CELSR3: variants seen among roughly 807,000 people sequenced by gnomAD.
CELSR3 encodes the protein cadherin EGF LAG seven-pass G-type receptor 3.
In CELSR3, 73 loss-of-function variants were observed where a neutral mutation model predicts 270.0. The observed-to-expected ratio is 0.27, with a 90% confidence interval of 0.22 to 0.33. The LOEUF (loss-of-function observed/expected upper bound fraction) is 0.33. Among genes scored for constraint, CELSR3 ranks in the 10% least tolerant of loss-of-function variants. CELSR3 has a pLI of 1.00. For missense variants in CELSR3, 3,614 were observed against 4,533.8 expected, an observed-to-expected ratio of 0.80 and a Z score of 5.83; for synonymous variants, 1,780 against 1,905.4, an observed-to-expected ratio of 0.93 and a Z score of 1.71.
At chr3:48,643,470 C>T in intron 28 of CELSR3, 84 bp downstream of exon 28, 2 of 1,488,516 alleles carry the variant, frequency 1.3e-6, no homozygotes, top group East Asian at 2.5e-5. Context: ...AGCTCCAGGC[C>T]TAGGGTCAAC....
Position 48,642,155 on chromosome 3 carries a change from G to T in CELSR3, c.8666-146C>A. 2.3e-6 allele frequency: 2 copies of T among 887,208 alleles called. No individual in the cohort carries two copies. Among genetic ancestry groups the T allele is most frequent in the South Asian group, 1.8e-5 (1 of 55,108 alleles). The allele number at this position is 887,208 out of a possible 1,614,324, so 55.0% of individuals were successfully genotyped here. On this transcript the variant is annotated intron_variant, in intron 31 of 34. Coordinates refer to ENST00000164024, the MANE Select transcript of CELSR3 (RefSeq NM_001407.3). This position sits in a 1 kb window ranked among gnomAD's most constrained non-coding sequence, Gnocchi z 6.1. ...GCTTGAAGTGGAGGTAGCAGCAGAA[G>T]GGCTGGGACTTATCAGAGGGAAGGA...
Position 48,648,248 on chromosome 3 carries a change from A to AACCCC in CELSR3, c.6973+17_6973+18insGGGGT. 1 of 975,250 alleles carries AACCCC rather than the reference A, an allele frequency of 1.0e-6. No individual in the cohort carries two copies. Among genetic ancestry groups the AACCCC allele is most frequent in the Non-Finnish European group, 1.5e-6 (1 of 653,538 alleles). 60.4% of individuals were successfully genotyped at this position (975,250 alleles called of 1,614,324 possible). A position where few individuals can be genotyped will look rare whatever the true frequency, so the allele number is the denominator to read the frequency against. The stretch of plus-strand genomic sequence containing the variant: ...TGGCCCCCCTGCTGTGCCCCGCCCT[A>AACCCC]CCCCACCCACAACGCACTGATATTA... On this transcript the variant is annotated intron_variant, in intron 19 of 34. Transcript: ENST00000164024.
At position 48,653,611 on chromosome 3, in the gene CELSR3, G is replaced by A; in HGVS notation, c.5448+8C>T. Reference sequence around the variant, plus strand: ...CTGAGGGTATAGGGGTGAGCAGGGTGGACACACCTGGCAAAGGAGCGTGCT... The same window carrying A: ...CTGAGGGTATAGGGGTGAGCAGGGTAGACACACCTGGCAAAGGAGCGTGCT... On this transcript the variant is annotated splice_region_variant and intron_variant, in intron 9 of 34. Coordinates refer to ENST00000164024, the MANE Select transcript of CELSR3 (RefSeq NM_001407.3). The surrounding 1 kb of genome is among the most constrained non-coding windows in gnomAD (Gnocchi z 6.5). 6.2e-7 allele frequency: 1 copy of A among 1,613,266 alleles called. No homozygotes were observed. The highest frequency in any genetic ancestry group is 8.5e-7 in the Non-Finnish European group (1 of 1,179,512).
chr3:48,657,320 A>G lies in CELSR3; in HGVS notation c.3777T>C (p.Cys1259=), dbSNP rs1232119145. Residue 1259 remains cysteine (C), a synonymous_variant, in exon 2 of 35, where the codon TGT becomes TGC. Coordinates refer to ENST00000164024, the MANE Select transcript of CELSR3 (RefSeq NM_001407.3). This position sits in a 1 kb window ranked among gnomAD's most constrained non-coding sequence, Gnocchi z 5.4. ...TDGLHSVTAQ[C]VLRVVIITEE... The stretch of plus-strand genomic sequence containing the variant: ...CCGTGATGATGACCACGCGCAGCAC[A>G]CACTGCGCCGTCACGCTGTGCAGGC... 6.2e-6 allele frequency: 10 copies of G among 1,606,706 alleles called. No individual in the cohort carries two copies. The highest frequency in any genetic ancestry group is 1.7e-4 in the Middle Eastern group (1 of 6,052).
rs769741667 is a variant in CELSR3 at position 48,662,081 on chromosome 3, A to C, written c.554T>G (p.Val185Gly). The C allele has an allele frequency of 1.9e-6, 3 of 1,614,012 alleles. No homozygotes were observed. The highest frequency in any genetic ancestry group is 2.5e-6 in the Non-Finnish European group (3 of 1,180,028). ...FLIRHHGPKP[V>G]SSQRNAGTGS... is the part of the protein sequence containing the mutation. ...TGTCCCAGCGTTCCGCTGGGAGGAC[A>C]CCGGCTTGGGACCGTGGTGCCGAAT... The change falls in exon 1 of 35, where the codon GTG becomes GGG. Residue 185 changes from valine to glycine, a missense_variant. Physicochemically the swap from Val to Gly is moderately radical, Grantham distance 109. Transcript: ENST00000164024. This position sits in a 1 kb window ranked among gnomAD's most constrained non-coding sequence, Gnocchi z 7.1.
chr3:48,644,436 A>G lies in CELSR3; in HGVS notation c.8086-141T>C. 1.3e-6 allele frequency: 1 copy of G among 756,646 alleles called. No individual in the cohort carries two copies. Among genetic ancestry groups the G allele is most frequent in the Non-Finnish European group, 2.2e-6 (1 of 450,786 alleles). 46.9% of individuals were successfully genotyped at this position (756,646 alleles called of 1,614,324 possible). ...ATTCACACATATACACACACACCAA[A>G]GGAGCTTAGCATCACAGAAAAAGAA... On this transcript the variant is annotated intron_variant, in intron 26 of 34. Coordinates refer to ENST00000164024, the MANE Select transcript of CELSR3 (RefSeq NM_001407.3). The surrounding 1 kb of genome is among the most constrained non-coding windows in gnomAD (Gnocchi z 4.8).
chr3:48,650,651 C>A lies in CELSR3; in HGVS notation c.6371-70G>T. 7.8e-7 allele frequency: 1 copy of A among 1,278,928 alleles called. No homozygotes were observed. Among genetic ancestry groups the A allele is most frequent in the Non-Finnish European group, 1.1e-6 (1 of 922,044 alleles). The allele number at this position is 1,278,928 out of a possible 1,614,324, so 79.2% of individuals were successfully genotyped here. On this transcript the variant is annotated intron_variant, in intron 15 of 34. Transcript: ENST00000164024. The surrounding 1 kb of genome is among the most constrained non-coding windows in gnomAD (Gnocchi z 5.1). The stretch of plus-strand genomic sequence containing the variant: ...CAGTTGACAGCCACACCCACTGCCC[C>A]TCCACCACCCCCCACAAGGCCCACT...
rs115459806 is a variant in CELSR3, at chr3:48,657,651, C to G, written c.3749-303G>C. Among the ~76,000 whole-genome samples, 971 of 152,276 alleles carry G rather than the reference C, an allele frequency of 6.4e-3. 4 individuals are homozygous for G. The highest frequency in any genetic ancestry group is 0.01 in the Non-Finnish European group (714 of 68,022). ...CACTCCCGCAACAGCACTCAAGTAC[C>G]CTAAGTACTCAGTAACCCACACTTC... is the stretch of plus-strand genomic sequence containing the variant. On this transcript the variant is annotated intron_variant, in intron 1 of 34. Coordinates refer to ENST00000164024, the MANE Select transcript of CELSR3 (RefSeq NM_001407.3). The surrounding 1 kb of genome is among the most constrained non-coding windows in gnomAD (Gnocchi z 5.4).
In CELSR3 at chr3:48,649,028, G is replaced by T. The variant is rs2047113279; in HGVS notation, c.6567+93C>A. The T allele has an allele frequency of 1.9e-6, 3 of 1,541,410 alleles. No homozygotes were observed. In the Admixed American group the frequency reaches 5.6e-5, roughly 29 times the overall value. ...CCAGATTAAAGGGCAACCAGGAAAG[G>T]CTCAGGAGTTCAAGGGCTAGGGTGT... is the stretch of plus-strand genomic sequence containing the variant. On this transcript the variant is annotated intron_variant, in intron 17 of 34. Transcript: ENST00000164024.
At position 48,648,354 on chromosome 3, in the gene CELSR3, C is replaced by T. The variant is rs1326841223; in HGVS notation, c.6885G>A (p.Val2295=). ...PGGSPGSAGL[V]RHLEEYAATL... ...TGGCTGCATACTCCTCCAGGTGCCT[C>T]ACCAGTCCCGCGCTGCCTGGGGAGC... Residue 2295 remains valine (V), a synonymous_variant, in exon 19 of 35, where the codon GTG becomes GTA. Transcript: ENST00000164024. 6.2e-7 allele frequency: 1 copy of T among 1,612,286 alleles called. No homozygotes were observed. Among genetic ancestry groups the T allele is most frequent in the South Asian group, 1.1e-5 (1 of 91,082 alleles).
chr3:48,649,596 C>T (rs976256111), intron 16 of CELSR3, among the ~76,000 whole-genome samples: 7 of 152,196 alleles, frequency 4.6e-5, no homozygotes, highest in African/African-American at 1.7e-4. Flanking sequence ...CTCGCACACA[C>T]ACAGACATGC....
At position 48,648,402 on chromosome 3, in the gene CELSR3, C is replaced by G. The variant is rs556489337; in HGVS notation, c.6837G>C (p.Ala2279=). The G allele has an allele frequency of 2.5e-6, 4 of 1,607,518 alleles. No homozygotes were observed. In the East Asian group the frequency reaches 6.7e-5, roughly 27 times the overall value. ...LAPETGDLWA[A]LGQRAPGGSP... ...AGCCCCCAGGGGCCCGCTGCCCCAG[C>G]GCCGCCCACAAGTCCCCTGTCTCTG... is the stretch of plus-strand genomic sequence containing the variant. Residue 2279 remains alanine, a synonymous_variant, in exon 19 of 35, where the codon GCG becomes GCC. Transcript: ENST00000164024.
At position 48,640,097 on chromosome 3, in the gene CELSR3, C is replaced by T. The variant is rs144112915; in HGVS notation, c.9488G>A (p.Arg3163Gln). Residue 3163 changes from arginine (R) to glutamine (Q), a missense_variant, in exon 34 of 35, where the codon CGG becomes CAG. Arg to Gln is a conservative substitution (Grantham distance 43). Coordinates refer to ENST00000164024, the MANE Select transcript of CELSR3 (RefSeq NM_001407.3). The surrounding 1 kb of genome is among the most constrained non-coding windows in gnomAD (Gnocchi z 7.5). ...AGGTGGGGGCTGTGGGTCAAGGTCCCGGGTGCGGCGGGGCGGAGGCAGCGT... is the reference window on the plus strand; with the variant it reads ...AGGTGGGGGCTGTGGGTCAAGGTCCTGGGTGCGGCGGGGCGGAGGCAGCGT... ...LSTLPPPRRT[R>Q]DLDPQPPPLP... The T allele has an allele frequency of 2.5e-5, 41 of 1,610,970 alleles. No individual in the cohort carries two copies. The highest frequency in any genetic ancestry group is 3.1e-5 in the Non-Finnish European group (36 of 1,179,802).
At chr3:48,643,362 G>T in intron 28 of CELSR3, 192 bp downstream of exon 28, 2 of 778,762 alleles carry the variant, frequency 2.6e-6, no homozygotes, top group Non-Finnish European at 4.0e-6. Context: ...TGGGATCAGT[G>T]CCTAAGTTAG....
In CELSR3 at chr3:48,660,416, G is replaced by T. The variant is rs2077057965; in HGVS notation, c.2219C>A (p.Ala740Asp). The T allele has an allele frequency of 6.2e-7, 1 of 1,614,002 alleles. No individual in the cohort carries two copies. The highest frequency in any genetic ancestry group is 1.3e-5 in the African/African-American group (1 of 74,922). ...DHGSPPLSAS[A>D]SVTVTVLDVN... Reference sequence around the variant, plus strand: ...GTCCAGCACAGTCACGGTGACACTGGCTGAGGCAGAGAGTGGGGGTGAGCC... The same window carrying T: ...GTCCAGCACAGTCACGGTGACACTGTCTGAGGCAGAGAGTGGGGGTGAGCC... Residue 740 changes from alanine (A) to aspartate (D), a missense_variant, in exon 1 of 35, where the codon GCC (alanine) becomes GAC (aspartate). Around this residue, in one of 7 missense-constraint regions of CELSR3, gnomAD observed 215 missense variants for 241.2 expected, o/e 0.89. Transcript: ENST00000164024. This position sits in a 1 kb window ranked among gnomAD's most constrained non-coding sequence, Gnocchi z 5.5.
In CELSR3 at chr3:48,648,250, C is replaced by CCCCCCCA; in HGVS notation, c.6973+15_6973+16insTGGGGGG. 1.3e-6 allele frequency: 2 copies of CCCCCCCA among 1,536,016 alleles called. No homozygotes were observed. Among genetic ancestry groups the CCCCCCCA allele is most frequent in the Non-Finnish European group, 1.8e-6 (2 of 1,113,750 alleles). ...GCCCCCCTGCTGTGCCCCGCCCTAC[C>CCCCCCCA]CCACCCACAACGCACTGATATTAGG... On this transcript the variant is annotated intron_variant, in intron 19 of 34. Coordinates refer to ENST00000164024, the MANE Select transcript of CELSR3 (RefSeq NM_001407.3).
Position 48,653,195 on chromosome 3 carries a change from C to T in CELSR3, c.5449-8G>A. The T allele has an allele frequency of 6.2e-7, 1 of 1,612,392 alleles. No homozygotes were observed. Among genetic ancestry groups the T allele is most frequent in the Non-Finnish European group, 8.5e-7 (1 of 1,179,482 alleles). On this transcript the variant is annotated splice_region_variant and splice_polypyrimidine_tract_variant and intron_variant, in intron 9 of 34. Coordinates refer to ENST00000164024, the MANE Select transcript of CELSR3 (RefSeq NM_001407.3). The surrounding 1 kb of genome is among the most constrained non-coding windows in gnomAD (Gnocchi z 6.5). ...CAGTAACCCCCGATCTAGCTGTGGG[C>T]AGAGATGCATAGCCCTGGGGTTAGA...
At chr3:48,656,391 C>T in intron 2 of CELSR3, 26 bp from the exon 3 acceptor site, 1 of 1,393,926 alleles carries the variant, frequency 7.2e-7, no homozygotes, top group Non-Finnish European at 9.2e-7. Flanking sequence ...CGGTCAGAGG[C>T]GGTCACGCCC....
chr3:48,647,689 G>A, intron 20 of CELSR3, 152 bp downstream of exon 20: 1 of 678,362 alleles, frequency 1.5e-6, no homozygotes, highest in Non-Finnish European at 2.4e-6. Context: ...AGGGTGGAGG[G>A]GAAATATGGG....
Sources: allele counts gnomAD v4.1 joint callset (sites outside exome capture counted in the v4.1 genomes callset), GRCh38; gene constraint gnomAD v4.1.1; regional missense constraint gnomAD v4.1.1; non-coding constraint Gnocchi (gnomAD v3.1); transcripts MANE v1.5; gene names NCBI Gene and HGNC (gene_info 2026-07-23, HGNC 2026-07-21).